Variants in TMEM215 observed in about 807,000 individuals in gnomAD.
TMEM215 encodes the protein transmembrane protein 215.
Under a neutral mutation model 14.7 loss-of-function variants are expected in TMEM215, and 12 were observed. The ratio of observed to expected loss-of-function variants is 0.82; its 90% CI spans 0.52 to 1.33. TMEM215 has a LOEUF of 1.33. Among genes scored for constraint, TMEM215 ranks in the 40% most tolerant of loss-of-function variants. TMEM215 has a pLI of 0.00. For missense variants in TMEM215, 276 were observed against 296.2 expected (o/e 0.93, Z 0.50); for synonymous variants, 122 against 124.8 (o/e 0.98, Z 0.15).
Position 32,788,558 on chromosome 9 carries a change from T to C in TMEM215, c.*3667T>C, listed in dbSNP as rs567435689. On this transcript the variant is annotated 3_prime_UTR_variant, in exon 2 of 2. Coordinates refer to ENST00000342743, the MANE Select transcript of TMEM215 (RefSeq NM_212558.3). ...CTGGCAAGATACTAAGTTTTATGGA[T>C]GATTTTGTATGTTTTTTTCCTATTG... Among the ~76,000 whole-genome samples, 36 of 152,370 alleles carry C rather than the reference T, an allele frequency of 2.4e-4. No individual in the cohort carries two copies. The South Asian group carries it at 7.0e-3, about 30-fold the overall frequency.
rs1052408375 is a variant in TMEM215 at position 32,784,354 on chromosome 9, T to C, written c.171T>C (p.Ile57=). The C allele has an allele frequency of 1.9e-6, 3 of 1,614,166 alleles. No homozygotes were observed. The highest frequency in any genetic ancestry group is 2.5e-6 in the Non-Finnish European group (3 of 1,180,014). Residue 57 remains isoleucine, a synonymous_variant, in exon 2 of 2, where the codon ATT becomes ATC. Coordinates refer to ENST00000342743, the MANE Select transcript of TMEM215 (RefSeq NM_212558.3). ...TCTGCCTACCAGGCATCGCAGCCAT[T>C]GCCCTGGCCAGGAAAACCGAGGGAT... ...PAICLPGIAA[I]ALARKTEGCT... is the part of the protein sequence containing the mutation.
In TMEM215 at chr9:32,784,842, G is replaced by C; in HGVS notation, c.659G>C (p.Cys220Ser). The C allele has an allele frequency of 6.2e-7, 1 of 1,613,234 alleles. No homozygotes were observed. The change falls in exon 2 of 2, where the codon TGT (cysteine) becomes TCT (serine). Residue 220 changes from cysteine (C) to serine (S), a missense_variant. Coordinates refer to ENST00000342743, the MANE Select transcript of TMEM215 (RefSeq NM_212558.3). ...AACAGCCCGTATGACAGATACTGTT[G>C]TTATATCAATCAGATACAAGGCAGG... ...KQNSPYDRYCCYINQIQGRWD... is the reference protein window; with the variant it reads ...KQNSPYDRYCSYINQIQGRWD...
At position 32,784,797 on chromosome 9, in the gene TMEM215, T is replaced by A; in HGVS notation, c.614T>A (p.Ile205Asn). The change falls in exon 2 of 2, where the codon ATC becomes AAC. Residue 205 changes from isoleucine to asparagine, a missense_variant. By Grantham distance (149) the Ile-to-Asn change is moderately radical (BLOSUM62 -3). Coordinates refer to ENST00000342743, the MANE Select transcript of TMEM215 (RefSeq NM_212558.3). ...SIFFVPQDSI[I>N]VCSYKQNSPY... ...TTCTTTGTGCCCCAGGACAGTATCA[T>A]CGTTTGCTCCTACAAGCAGAACAGC... 1 of 1,613,694 alleles carries A rather than the reference T, an allele frequency of 6.2e-7. No homozygotes were observed. Among genetic ancestry groups the A allele is most frequent in the South Asian group, 1.1e-5 (1 of 91,076 alleles).
At position 32,783,655 on chromosome 9, in the gene TMEM215, G is replaced by C. The variant is rs76471948; in HGVS notation, c.-209G>C. ...CACTGCTGGGAGAGCCGCTCTCCCA[G>C]GTTCCACCTCCCCGATGCAGAGTCC... On this transcript the variant is annotated 5_prime_UTR_variant, in exon 1 of 2. Coordinates refer to ENST00000342743, the MANE Select transcript of TMEM215 (RefSeq NM_212558.3). 0.04 allele frequency: 6,127 copies of C among 153,500 alleles called. 223 individuals are homozygous for C. The highest frequency in any genetic ancestry group is 0.093 in the African/African-American group (3,881 of 41,588). 9.5% of individuals were successfully genotyped at this position (153,500 alleles called of 1,614,324 possible). A position where few individuals can be genotyped will look rare whatever the true frequency, so the allele number is the denominator to read the frequency against.
Position 32,784,953 on chromosome 9 carries a change from C to G in TMEM215, c.*62C>G. On this transcript the variant is annotated 3_prime_UTR_variant, in exon 2 of 2. Transcript: ENST00000342743. The stretch of plus-strand genomic sequence containing the variant: ...GACTAAGCCCAGCTCCCCGTGGAAG[C>G]AAATTGCTCTGCTTGGAGAGCCTTC... The G allele has an allele frequency of 2.9e-6, 4 of 1,399,380 alleles. No individual in the cohort carries two copies. The highest frequency in any genetic ancestry group is 4.0e-6 in the Non-Finnish European group (4 of 1,006,716). The allele number at this position is 1,399,380 out of a possible 1,614,324, so 86.7% of individuals were successfully genotyped here. A position where few individuals can be genotyped will look rare whatever the true frequency, so the allele number is the denominator to read the frequency against.
In TMEM215 at chr9:32,785,884, C is replaced by A. The variant is rs1264445270; in HGVS notation, c.*993C>A. 2 of 166,882 alleles carry A rather than the reference C, an allele frequency of 1.2e-5. No individual in the cohort carries two copies. The highest frequency in any genetic ancestry group is 1.9e-4 in the East Asian group (1 of 5,204). 10.3% of individuals were successfully genotyped at this position (166,882 alleles called of 1,614,324 possible). On this transcript the variant is annotated 3_prime_UTR_variant, in exon 2 of 2. Coordinates refer to ENST00000342743, the MANE Select transcript of TMEM215 (RefSeq NM_212558.3). Reference sequence around the variant, plus strand: ...ATTTGTATGAAATGCAATGGTTAAACCTTTGGAAGTGTCATTATTTGTACA... The same window carrying A: ...ATTTGTATGAAATGCAATGGTTAAAACTTTGGAAGTGTCATTATTTGTACA...
rs765519728 is a variant in TMEM215 at position 32,785,203 on chromosome 9, G to A, written c.*312G>A. 10 of 276,160 alleles carry A rather than the reference G, an allele frequency of 3.6e-5. No homozygotes were observed. Among genetic ancestry groups the A allele is most frequent in the Admixed American group, 1.5e-4 (3 of 20,462 alleles). The allele number at this position is 276,160 out of a possible 1,614,324, so 17.1% of individuals were successfully genotyped here. ...ACCCAAAAAGTGCTATCCAGAACCA[G>A]CTGAGAGCAAGATAAATCTAGAGTG... On this transcript the variant is annotated 3_prime_UTR_variant, in exon 2 of 2. Coordinates refer to ENST00000342743, the MANE Select transcript of TMEM215 (RefSeq NM_212558.3).
At position 32,787,164 on chromosome 9, in the gene TMEM215, C is replaced by A. The variant is rs1824516019; in HGVS notation, c.*2273C>A. On this transcript the variant is annotated 3_prime_UTR_variant, in exon 2 of 2. Coordinates refer to ENST00000342743, the MANE Select transcript of TMEM215 (RefSeq NM_212558.3). ...TATGGTTTGGGGGTTGGAAAAGTTACTTTTCTGATTTCTTGGAACCATTTA... is the reference window on the plus strand; with the variant it reads ...TATGGTTTGGGGGTTGGAAAAGTTAATTTTCTGATTTCTTGGAACCATTTA... 6.0e-6 allele frequency: 1 copy of A among 166,910 alleles called. No homozygotes were observed. The highest frequency in any genetic ancestry group is 2.4e-5 in the African/African-American group (1 of 41,436). The allele number at this position is 166,910 out of a possible 1,614,324, so 10.3% of individuals were successfully genotyped here.
rs1375827323 is a variant in TMEM215 at position 32,787,687 on chromosome 9, C to T, written c.*2796C>T. Among the ~76,000 whole-genome samples the T allele has an allele frequency of 6.6e-6, 1 of 152,048 alleles. No individual in the cohort carries two copies. The highest frequency in any genetic ancestry group is 6.5e-5 in the Admixed American group (1 of 15,270). On this transcript the variant is annotated 3_prime_UTR_variant, in exon 2 of 2. Transcript: ENST00000342743. ...GAGCAACTCATTCTGATGAGTTACA[C>T]AGTTTTAGCAAATTGTTCTTATCAA...
At position 32,786,907 on chromosome 9, in the gene TMEM215, TCC is replaced by T. The variant is rs1182747640; in HGVS notation, c.*2017_*2018del. 6.0e-6 allele frequency: 1 copy of T among 167,012 alleles called. No homozygotes were observed. The highest frequency in any genetic ancestry group is 1.5e-5 in the Non-Finnish European group (1 of 68,062). 10.3% of individuals were successfully genotyped at this position (167,012 alleles called of 1,614,324 possible). A position where few individuals can be genotyped will look rare whatever the true frequency, so the allele number is the denominator to read the frequency against. ...GGATTTGGGATGGGGAGAGATAGTT[TCC>T]TAAAATCACAGTAACTTTTAATAAT... On this transcript the variant is annotated 3_prime_UTR_variant, in exon 2 of 2. Transcript: ENST00000342743.
rs1358600336 is a variant in TMEM215 at position 32,789,096 on chromosome 9, T to A, written c.*4205T>A. Among the ~76,000 whole-genome samples the A allele has an allele frequency of 1.3e-5, 2 of 152,202 alleles. No homozygotes were observed. Among genetic ancestry groups the A allele is most frequent in the African/African-American group, 4.8e-5 (2 of 41,460 alleles). The stretch of plus-strand genomic sequence containing the variant: ...AATCTGATAGACTCTGCCCTTGAGT[T>A]TTCTGTGTTTCAGTTTCCTACTGGG... On this transcript the variant is annotated 3_prime_UTR_variant, in exon 2 of 2. Transcript: ENST00000342743.
chr9:32,784,673 G>A lies in TMEM215; in HGVS notation c.490G>A (p.Gly164Ser). ...HQEETSRYLD[G>S]YCPSGSSLTY... Reference sequence around the variant, plus strand: ...GGAGGAGACGTCCAGATACCTGGACGGCTACTGCCCCTCGGGCAGTTCCCT... The same window carrying A: ...GGAGGAGACGTCCAGATACCTGGACAGCTACTGCCCCTCGGGCAGTTCCCT... Residue 164 changes from glycine to serine, a missense_variant, in exon 2 of 2, where the codon GGC becomes AGC. Gly to Ser is a moderately conservative substitution (Grantham distance 56). Coordinates refer to ENST00000342743, the MANE Select transcript of TMEM215 (RefSeq NM_212558.3). 6.2e-7 allele frequency: 1 copy of A among 1,614,048 alleles called. No individual in the cohort carries two copies.
rs1193523366 is a variant in TMEM215 at position 32,785,550 on chromosome 9, G to A, written c.*659G>A. ...ATAAGTGTGAGCAGCTATGTGAAAAGTTAACATTTTTAGATGGCTATGTTA... is the reference window on the plus strand; with the variant it reads ...ATAAGTGTGAGCAGCTATGTGAAAAATTAACATTTTTAGATGGCTATGTTA... On this transcript the variant is annotated 3_prime_UTR_variant, in exon 2 of 2. Transcript: ENST00000342743. 6 of 167,040 alleles carry A rather than the reference G, an allele frequency of 3.6e-5. No individual in the cohort carries two copies. Among genetic ancestry groups the A allele is most frequent in the Non-Finnish European group, 7.3e-5 (5 of 68,096 alleles). The allele number at this position is 167,040 out of a possible 1,614,324, so 10.3% of individuals were successfully genotyped here. A position where few individuals can be genotyped will look rare whatever the true frequency, so the allele number is the denominator to read the frequency against.
rs1183958861 is a variant in TMEM215 at position 32,784,316 on chromosome 9, A to G, written c.133A>G (p.Ile45Val). Residue 45 changes from isoleucine to valine, a missense_variant, in exon 2 of 2, where the codon ATC (isoleucine) becomes GTC (valine). By Grantham distance (29) the Ile-to-Val change is conservative. Coordinates refer to ENST00000342743, the MANE Select transcript of TMEM215 (RefSeq NM_212558.3). ...TTTGGGAAACATCCCCCTCCTGGCC[A>G]TCGGGCCAGCCATCTGCCTACCAGG... The part of the protein sequence containing the change: ...ETLGNIPLLA[I>V]GPAICLPGIA... The G allele has an allele frequency of 6.2e-7, 1 of 1,614,190 alleles. No homozygotes were observed.
At position 32,786,411 on chromosome 9, in the gene TMEM215, A is replaced by G. The variant is rs1824507368; in HGVS notation, c.*1520A>G. 1 of 167,018 alleles carries G rather than the reference A, an allele frequency of 6.0e-6. No homozygotes were observed. 10.3% of individuals were successfully genotyped at this position (167,018 alleles called of 1,614,324 possible). A position where few individuals can be genotyped will look rare whatever the true frequency, so the allele number is the denominator to read the frequency against. On this transcript the variant is annotated 3_prime_UTR_variant, in exon 2 of 2. Transcript: ENST00000342743. Reference sequence around the variant, plus strand: ...AGAATCATGGTATTTTTAAAAAATCATAATTTTCAAGTCAAGTTCAAGATC... The same window carrying G: ...AGAATCATGGTATTTTTAAAAAATCGTAATTTTCAAGTCAAGTTCAAGATC...
chr9:32,786,764 T>C lies in TMEM215; in HGVS notation c.*1873T>C, dbSNP rs148395569. ...AAAGCAGATTATTCAACACAATGCA[T>C]TCCTGAGAATAAAATGAACATAATC... On this transcript the variant is annotated 3_prime_UTR_variant, in exon 2 of 2. Transcript: ENST00000342743. 44 of 167,092 alleles carry C rather than the reference T, an allele frequency of 2.6e-4. 1 individual carries two copies. In the East Asian group the frequency reaches 8.5e-3, roughly 32 times the overall value. The allele number at this position is 167,092 out of a possible 1,614,324, so 10.4% of individuals were successfully genotyped here. A position where few individuals can be genotyped will look rare whatever the true frequency, so the allele number is the denominator to read the frequency against.
In TMEM215 at chr9:32,787,884, CCTA is replaced by C. The variant is rs1396449469; in HGVS notation, c.*2996_*2998del. On this transcript the variant is annotated 3_prime_UTR_variant, in exon 2 of 2. Coordinates refer to ENST00000342743, the MANE Select transcript of TMEM215 (RefSeq NM_212558.3). ...TACTGAATTTCTCTTGCTCTGTATG[CCTA>C]CTTATTGTGCACATGGGTTGTTTTT... Among the ~76,000 whole-genome samples, 2 of 152,032 alleles carry C rather than the reference CCTA, an allele frequency of 1.3e-5. No homozygotes were observed. Among genetic ancestry groups the C allele is most frequent in the Non-Finnish European group, 2.9e-5 (2 of 67,942 alleles).
At position 32,784,749 on chromosome 9, in the gene TMEM215, G is replaced by A; in HGVS notation, c.566G>A (p.Cys189Tyr). 1 of 1,614,082 alleles carries A rather than the reference G, an allele frequency of 6.2e-7. No individual in the cohort carries two copies. Among genetic ancestry groups the A allele is most frequent in the Non-Finnish European group, 8.5e-7 (1 of 1,180,028 alleles). The change falls in exon 2 of 2, where the codon TGC becomes TAC. Residue 189 changes from cysteine (C) to tyrosine (Y), a missense_variant. By Grantham distance (194) the Cys-to-Tyr change is radical. Coordinates refer to ENST00000342743, the MANE Select transcript of TMEM215 (RefSeq NM_212558.3). ...TGCTCAGCAAGGGACAGATCTGAGT[G>A]CCCTGAGCCTGAGGATAGCATCTTC... ...VKCSARDRSECPEPEDSIFFV... is the reference protein window; with the variant it reads ...VKCSARDRSEYPEPEDSIFFV...
rs180756640 is a variant in TMEM215, at chr9:32,786,415, T to C, written c.*1524T>C. 10 of 167,106 alleles carry C rather than the reference T, an allele frequency of 6.0e-5. No individual in the cohort carries two copies. In the East Asian group the frequency reaches 9.6e-4, roughly 16 times the overall value. 10.4% of individuals were successfully genotyped at this position (167,106 alleles called of 1,614,324 possible). A position where few individuals can be genotyped will look rare whatever the true frequency, so the allele number is the denominator to read the frequency against. On this transcript the variant is annotated 3_prime_UTR_variant, in exon 2 of 2. Coordinates refer to ENST00000342743, the MANE Select transcript of TMEM215 (RefSeq NM_212558.3). Reference sequence around the variant, plus strand: ...TCATGGTATTTTTAAAAAATCATAATTTTCAAGTCAAGTTCAAGATCAAAA... The same window carrying C: ...TCATGGTATTTTTAAAAAATCATAACTTTCAAGTCAAGTTCAAGATCAAAA...
Sources: allele counts gnomAD v4.1 joint callset (sites outside exome capture counted in the v4.1 genomes callset), GRCh38; gene constraint gnomAD v4.1.1; transcripts MANE v1.5; gene names NCBI Gene and HGNC (gene_info 2026-07-23, HGNC 2026-07-21).